CACNA2D3: variants seen among roughly 807,000 people sequenced by gnomAD.
CACNA2D3 encodes calcium voltage-gated channel auxiliary subunit alpha2delta 3, also known as voltage-dependent calcium channel subunit alpha-2/delta-3.
In CACNA2D3, 60 loss-of-function variants were observed where a neutral mutation model predicts 160.6. That is an observed-to-expected ratio of 0.37 (90% CI 0.30 to 0.46). The LOEUF (loss-of-function observed/expected upper bound fraction) is 0.46. CACNA2D3 is among the 20% of genes least tolerant of loss of function. CACNA2D3 has a pLI of 1.00. For missense variants in CACNA2D3, 1,205 were observed against 1,365.0 expected (o/e 0.88, Z 1.85); for synonymous variants, 558 against 492.9 (o/e 1.13, Z -1.75).
At chr3:54,734,225 G>T (rs1423710036) in intron 11 of CACNA2D3, among the ~76,000 whole-genome samples, 2 of 152,146 alleles carry the variant, frequency 1.3e-5, no homozygotes, top group Admixed American at 6.6e-5. Flanking sequence ...CTAAACTGTT[G>T]CATGCTGAGG....
At chr3:55,069,268 G>A (rs1704743579) in intron 35 of CACNA2D3, among the ~76,000 whole-genome samples, 1 of 152,018 alleles carries the variant, frequency 6.6e-6, no homozygotes, top group Non-Finnish European at 1.5e-5. Context: ...CTAGAATCAT[G>A]TTCTCAAATT....
rs1202883989 is a variant in CACNA2D3 at position 54,487,832 on chromosome 3, C to T, written c.382-15660C>T. Among the ~76,000 whole-genome samples, 5 of 152,212 alleles carry T rather than the reference C, an allele frequency of 3.3e-5. No homozygotes were observed. The East Asian group carries it at 7.7e-4, about 23-fold the overall frequency. ...GTAAAAAATCAGTTCTTCAGTCACA[C>T]TGGTGACCTTCACATGCTCAATGAC... On this transcript the variant is annotated intron_variant, in intron 4 of 37. Coordinates refer to ENST00000474759, the MANE Select transcript of CACNA2D3 (RefSeq NM_018398.3).
intron 25 of CACNA2D3, among the ~76,000 whole-genome samples, chr3:54,896,243 G>A (rs1168159512): frequency 1.3e-5 from 2 of 152,332 alleles, no homozygotes; most frequent in Admixed American, 1.3e-4. Context: ...GGAGGCAGGT[G>A]AGGGAAGAAG....
intron 24 of CACNA2D3, among the ~76,000 whole-genome samples, chr3:54,890,519 A>G (rs1263938383): frequency 2.0e-5 from 3 of 151,652 alleles, no homozygotes; most frequent in Non-Finnish European, 4.4e-5. Context: ...AAAAAAGAAA[A>G]AGAAAGAAAA....
At chr3:55,014,590 A>G (rs1252448536) in intron 34 of CACNA2D3, among the ~76,000 whole-genome samples, 1 of 152,024 alleles carries the variant, frequency 6.6e-6, no homozygotes, top group African/African-American at 2.4e-5. Flanking sequence ...AAACTAGCCA[A>G]GCATGATGGC....
intron 2 of CACNA2D3, among the ~76,000 whole-genome samples, chr3:54,152,230 C>T (rs577840931): frequency 6.6e-6 from 1 of 152,306 alleles, no homozygotes; most frequent in South Asian, 2.1e-4. Context: ...TGGTTAATAT[C>T]CCAGATCATT....
intron 5 of CACNA2D3, among the ~76,000 whole-genome samples, chr3:54,511,439 T>G (rs914379229): frequency 5.3e-5 from 8 of 152,194 alleles, no homozygotes; most frequent in African/African-American, 9.6e-5. Flanking sequence ...TGAATCCTCT[T>G]ATTACAGGCC....
chr3:54,862,713 G>A (rs930630057), intron 17 of CACNA2D3, among the ~76,000 whole-genome samples: 3 of 152,122 alleles, frequency 2.0e-5, no homozygotes, highest in Non-Finnish European at 2.9e-5. Flanking sequence ...GACAGGATAT[G>A]AGTCAATGGG....
At chr3:54,984,741 T>C in intron 30 of CACNA2D3, 71 bp downstream of exon 30, 1 of 922,828 alleles carries the variant, frequency 1.1e-6, no homozygotes, top group Non-Finnish European at 1.7e-6. Context: ...GAACAAATTA[T>C]GGTGTTAAAA....
intron 4 of CACNA2D3, among the ~76,000 whole-genome samples, chr3:54,431,378 T>C (rs1302220223): frequency 6.7e-6 from 1 of 150,352 alleles, no homozygotes; most frequent in Non-Finnish European, 1.5e-5. Context: ...AAATATAATA[T>C]AGAATATATT....
At chr3:54,161,735 G>T (rs1700348766) in intron 2 of CACNA2D3, among the ~76,000 whole-genome samples, 1 of 152,190 alleles carries the variant, frequency 6.6e-6, no homozygotes, top group Admixed American at 6.5e-5. Flanking sequence ...ATCATTCTTA[G>T]GTTGCCATCC....
At chr3:54,203,509 G>A (rs184450725) in intron 2 of CACNA2D3, among the ~76,000 whole-genome samples, 1 of 152,298 alleles carries the variant, frequency 6.6e-6, no homozygotes, top group African/African-American at 2.4e-5. Context: ...TCTGTATCCC[G>A]GGTTCTTGCC....
intron 2 of CACNA2D3, among the ~76,000 whole-genome samples, chr3:54,222,668 C>A (rs1701598011): frequency 6.6e-6 from 1 of 152,200 alleles, no homozygotes; most frequent in African/African-American, 2.4e-5. Flanking sequence ...CACTCAGTTT[C>A]TAAACATTTG....
chr3:54,764,161 C>A lies in CACNA2D3; in HGVS notation c.1247-57C>A, dbSNP rs949522204. 1.9e-6 allele frequency: 3 copies of A among 1,596,766 alleles called. No homozygotes were observed. The African/African-American group carries it at 4.0e-5, about 21-fold the overall frequency. ...AAGAAGGCATGGCATATGCATATTC[C>A]CAGTTGCAAGTCTTTCTGTCTGTTA... is the stretch of plus-strand genomic sequence containing the variant. On this transcript the variant is annotated intron_variant, in intron 12 of 37. Coordinates refer to ENST00000474759, the MANE Select transcript of CACNA2D3 (RefSeq NM_018398.3).
chr3:54,533,939 C>T (rs927900292), intron 5 of CACNA2D3, among the ~76,000 whole-genome samples: 1 of 152,120 alleles, frequency 6.6e-6, no homozygotes, highest in Non-Finnish European at 1.5e-5. Flanking sequence ...TGAAAATTTT[C>T]TGTGCATTTG....
intron 3 of CACNA2D3, among the ~76,000 whole-genome samples, chr3:54,353,517 A>G (rs1156541474): frequency 6.6e-6 from 1 of 151,794 alleles, no homozygotes; most frequent in Non-Finnish European, 1.5e-5. Flanking sequence ...TTTGATTATC[A>G]TTGGAGTTTG....
chr3:54,588,220 C>T (rs1284004819), intron 9 of CACNA2D3, among the ~76,000 whole-genome samples: 1 of 152,130 alleles, frequency 6.6e-6, no homozygotes, highest in African/African-American at 2.4e-5. Context: ...CTCATATGAT[C>T]ATATTAATTG....
chr3:54,424,714 C>T (rs373392693), intron 4 of CACNA2D3, among the ~76,000 whole-genome samples: 3 of 152,276 alleles, frequency 2.0e-5, no homozygotes, highest in African/African-American at 7.2e-5. Context: ...ACTTAGATTT[C>T]TCCGCACTGC....
intron 20 of CACNA2D3, among the ~76,000 whole-genome samples, chr3:54,880,499 G>A (rs761717817): frequency 1.3e-5 from 2 of 152,208 alleles, no homozygotes; most frequent in Non-Finnish European, 2.9e-5. Context: ...CCTTGGGAGG[G>A]CATCTGAGAG....
Sources: gnomAD v4.1 joint callset for allele counts (sites outside exome capture counted in the v4.1 genomes callset) on GRCh38, gnomAD v4.1.1 for gene constraint, MANE v1.5 for transcripts, NCBI Gene and HGNC (gene_info 2026-07-23, HGNC 2026-07-21) for gene names.